SLC52A2: variants seen among roughly 807,000 people sequenced by gnomAD.
SLC52A2 encodes the protein solute carrier family 52 member 2.
A neutral mutation model predicts 24.8 loss-of-function variants in SLC52A2; 16 were observed. The observed-to-expected ratio is 0.64, with a 90% CI of 0.44 to 0.98. The LOEUF is 0.98. SLC52A2 is among the 50% of genes least tolerant of loss of function. The pLI, the probability that SLC52A2 is intolerant of heterozygous loss-of-function variation, is 0.00. For synonymous variants in SLC52A2, 335 were observed against 276.3 expected, an observed-to-expected ratio of 1.21 and a Z score of -2.11; for missense variants, 612 against 575.9, an observed-to-expected ratio of 1.06 and a Z score of -0.64.
At position 144,360,646 on chromosome 8, in the gene SLC52A2, T is replaced by C. The variant is rs781799858; in HGVS notation, c.1058T>C (p.Leu353Pro). ...SLLGVFCGGY[L>P]MALAVLSPCP... ...CTGGGCGTGTTCTGTGGGGGCTACCTGATGGCGCTGGCAGTCCTGAGCCCC... is the reference window on the plus strand; with the variant it reads ...CTGGGCGTGTTCTGTGGGGGCTACCCGATGGCGCTGGCAGTCCTGAGCCCC... The change falls in exon 4 of 5, where the codon CTG (leucine) becomes CCG (proline). Residue 353 changes from leucine to proline, a missense_variant. Physicochemically the swap from Leu to Pro is moderately conservative, Grantham distance 98. Coordinates refer to ENST00000643944, the MANE Select transcript of SLC52A2 (RefSeq NM_001363118.2). 3.7e-6 allele frequency: 6 copies of C among 1,604,360 alleles called. No individual in the cohort carries two copies. Among genetic ancestry groups the C allele is most frequent in the Non-Finnish European group, 5.1e-6 (6 of 1,179,532 alleles).
At position 144,360,916 on chromosome 8, in the gene SLC52A2, G is replaced by A. The variant is rs140177553; in HGVS notation, c.1239G>A (p.Gln413=). The A allele has an allele frequency of 6.2e-7, 1 of 1,613,204 alleles. No homozygotes were observed. Among genetic ancestry groups the A allele is most frequent in the African/African-American group, 1.3e-5 (1 of 74,922 alleles). The change falls in exon 5 of 5, where the codon CAG becomes CAA. Residue 413 remains glutamine (Q), a synonymous_variant. Transcript: ENST00000643944. ...PALLAAGVAI[Q]VGSLLGAVAM... The stretch of plus-strand genomic sequence containing the variant: ...TGCTGGCAGCCGGCGTGGCCATCCA[G>A]GTGGGCTCTCTGCTCGGCGCTGTTG...
chr8:144,358,616 T>A lies in SLC52A2; in HGVS notation c.-560T>A. 1.2e-6 allele frequency: 1 copy of A among 836,372 alleles called. No individual in the cohort carries two copies. The highest frequency in any genetic ancestry group is 1.6e-6 in the Non-Finnish European group (1 of 630,104). 51.8% of individuals were successfully genotyped at this position (836,372 alleles called of 1,614,324 possible). A position where few individuals can be genotyped will look rare whatever the true frequency, so the allele number is the denominator to read the frequency against. On this transcript the variant is annotated 5_prime_UTR_variant, in exon 1 of 5. Coordinates refer to ENST00000643944, the MANE Select transcript of SLC52A2 (RefSeq NM_001363118.2). ...CGGGCCCGGAACCGCCACGGGTGAG[T>A]CGGGTCGTGGCTGCTGCCGGGTCCT...
chr8:144,360,235 C>T lies in SLC52A2; in HGVS notation c.743C>T (p.Ser248Leu), dbSNP rs782433925. Residue 248 changes from serine (S) to leucine (L), a missense_variant, in exon 3 of 5, where the codon TCA (serine) becomes TTA (leucine). Ser to Leu is a moderately radical substitution (Grantham distance 145, BLOSUM62 -2). Transcript: ENST00000643944. ...PGAEEEVEES[S>L]PLQEPPSQAA... ...GCAGAGGAAGAGGTGGAAGAGTCCT[C>T]ACCACTGCAAGAGCCACCAAGCCAG... 1.2e-6 allele frequency: 2 copies of T among 1,612,710 alleles called. No individual in the cohort carries two copies. The highest frequency in any genetic ancestry group is 2.2e-5 in the South Asian group (2 of 91,090).
In SLC52A2 at chr8:144,360,332, G is replaced by C; in HGVS notation, c.840G>C (p.Leu280=). Residue 280 remains leucine (L), a synonymous_variant, in exon 3 of 5, where the codon CTG becomes CTC. Coordinates refer to ENST00000643944, the MANE Select transcript of SLC52A2 (RefSeq NM_001363118.2). ...QLLSARSACL[L]GLLAATNALT... ...TATCAGCCCGCAGTGCCTGCCTGCT[G>C]GGCCTGTTGGCCGCCACCAACGCGC... 6.2e-7 allele frequency: 1 copy of C among 1,609,308 alleles called. No individual in the cohort carries two copies. The highest frequency in any genetic ancestry group is 8.5e-7 in the Non-Finnish European group (1 of 1,180,008).
In SLC52A2 at chr8:144,359,765, C is replaced by T. The variant is rs1554853894; in HGVS notation, c.273C>T (p.Gly91=). 6.2e-7 allele frequency: 1 copy of T among 1,613,598 alleles called. No homozygotes were observed. The highest frequency in any genetic ancestry group is 1.7e-5 in the Admixed American group (1 of 60,024). ...IRVVQVLGMV[G]TALLASLWHH... is the part of the protein sequence containing the mutation. ...TGGTGCAGGTGCTGGGCATGGTGGG[C>T]ACAGCCCTGCTGGCCTCTCTGTGGC... is the stretch of plus-strand genomic sequence containing the variant. The change falls in exon 3 of 5, where the codon GGC becomes GGT. Residue 91 remains glycine (G), a synonymous_variant. Transcript: ENST00000643944.
rs1174790550 is a variant in SLC52A2 at position 144,358,963 on chromosome 8, TCC to T, written c.-211_-210del. The T allele has an allele frequency of 2.0e-5, 6 of 297,466 alleles. No individual in the cohort carries two copies. The highest frequency in any genetic ancestry group is 4.8e-5 in the Admixed American group (1 of 20,976). The allele number at this position is 297,466 out of a possible 1,614,324, so 18.4% of individuals were successfully genotyped here. On this transcript the variant is annotated 5_prime_UTR_variant, in exon 1 of 5. Coordinates refer to ENST00000643944, the MANE Select transcript of SLC52A2 (RefSeq NM_001363118.2). Reference sequence around the variant, plus strand: ...GTGGCGTTGACTCCAGCCCCGCCTCTCCCTGGAGAGGAGGGCTCCACTCGCTC... The same window carrying T: ...GTGGCGTTGACTCCAGCCCCGCCTCTCTGGAGAGGAGGGCTCCACTCGCTC...
At position 144,360,719 on chromosome 8, in the gene SLC52A2, C is replaced by T. The variant is rs782760057; in HGVS notation, c.1125+6C>T. 4 of 1,599,194 alleles carry T rather than the reference C, an allele frequency of 2.5e-6. No individual in the cohort carries two copies. The Admixed American group carries it at 6.7e-5, about 27-fold the overall frequency. On this transcript the variant is annotated splice_donor_region_variant and intron_variant, in intron 4 of 4. Transcript: ENST00000643944. ...CGGCGGGGGTGGTCCTCGTGGTGAG[C>T]ACAGGGGGACATGAAGTGGGGTGGG... is the stretch of plus-strand genomic sequence containing the variant.
intron 2 of SLC52A2, 75 bp from the exon 3 acceptor site, chr8:144,359,548 C>T (rs1818682991): frequency 1.2e-6 from 2 of 1,604,948 alleles, no homozygotes. Context: ...GCAGGTGTGC[C>T]CAGGAAGGTG....
chr8:144,360,761 G>T (rs1554854530), intron 4 of SLC52A2, 42 bp from the exon 5 acceptor site: 1 of 1,607,076 alleles, frequency 6.2e-7, no homozygotes, highest in East Asian at 2.2e-5. Context: ...TTGCCCTGGA[G>T]CAGGCACATC....
chr8:144,360,317 C>T lies in SLC52A2; in HGVS notation c.825C>T (p.Arg275=), dbSNP rs934259287. Residue 275 remains arginine (R), a synonymous_variant, in exon 3 of 5, where the codon CGC becomes CGT. Coordinates refer to ENST00000643944, the MANE Select transcript of SLC52A2 (RefSeq NM_001363118.2). The stretch of plus-strand genomic sequence containing the variant: ...AGGCCTATCAGCTTCTATCAGCCCG[C>T]AGTGCCTGCCTGCTGGGCCTGTTGG... ...DPKAYQLLSA[R]SACLLGLLAA... The T allele has an allele frequency of 1.2e-5, 20 of 1,610,234 alleles. No individual in the cohort carries two copies. The Admixed American group carries it at 3.0e-4, about 24-fold the overall frequency.
Position 144,359,633 on chromosome 8 carries a change from C to G in SLC52A2, c.141C>G (p.Leu47=), listed in dbSNP as rs1456428596. The part of the protein sequence containing the change: ...VVKELPEGWS[L]PSYVSVLVAL... ...CTCCCTTCCCTGCAGGTTGGAGCCT[C>G]CCCTCTTACGTCTCTGTGCTTGTGG... Residue 47 remains leucine (L), a synonymous_variant, in exon 3 of 5, where the codon CTC becomes CTG. Coordinates refer to ENST00000643944, the MANE Select transcript of SLC52A2 (RefSeq NM_001363118.2). 1 of 1,612,182 alleles carries G rather than the reference C, an allele frequency of 6.2e-7. No individual in the cohort carries two copies. Among genetic ancestry groups the G allele is most frequent in the Admixed American group, 1.7e-5 (1 of 59,950 alleles).
chr8:144,359,900 G>C lies in SLC52A2; in HGVS notation c.408G>C (p.Leu136Phe). The C allele has an allele frequency of 6.2e-7, 1 of 1,613,738 alleles. No homozygotes were observed. The highest frequency in any genetic ancestry group is 1.1e-5 in the South Asian group (1 of 91,084). ...CGAATGTCACTTTCCTGCCCTTCTT[G>C]AGCCACCTGCCACCTCGCTTCTTAC... ...CASNVTFLPF[L>F]SHLPPRFLRS... Residue 136 changes from leucine to phenylalanine, a missense_variant, in exon 3 of 5, where the codon TTG (leucine) becomes TTC (phenylalanine). Physicochemically the swap from Leu to Phe is conservative, Grantham distance 22 (BLOSUM62 0). Coordinates refer to ENST00000643944, the MANE Select transcript of SLC52A2 (RefSeq NM_001363118.2).
Position 144,359,315 on chromosome 8 carries a change from C to T in SLC52A2, c.22C>T (p.Arg8Cys), listed in dbSNP as rs782801416. The part of the protein sequence containing the change: MAAPTPA[R>C]PVLTHLLVAL... ...CTGAATGGCAGCACCCACGCCCGCC[C>T]GTCCGGTGCTGACCCACCTGCTGGT... is the stretch of plus-strand genomic sequence containing the variant. Residue 8 changes from arginine (R) to cysteine (C), a missense_variant, in exon 2 of 5, where the codon CGT (arginine) becomes TGT (cysteine). Transcript: ENST00000643944. The T allele has an allele frequency of 4.3e-6, 7 of 1,613,552 alleles. No homozygotes were observed. The highest frequency in any genetic ancestry group is 1.7e-4 in the Middle Eastern group (1 of 6,060).
chr8:144,360,279 G>T lies in SLC52A2; in HGVS notation c.787G>T (p.Gly263Cys). The change falls in exon 3 of 5, where the codon GGT (glycine) becomes TGT (cysteine). Residue 263 changes from glycine (G) to cysteine (C), a missense_variant. Physicochemically the swap from Gly to Cys is radical, Grantham distance 159. Transcript: ENST00000643944. ...PPSQAAGTTPGPDPKAYQLLS... is the reference protein window; with the variant it reads ...PPSQAAGTTPCPDPKAYQLLS... ...AAGCCAGGCAGCAGGCACCACCCCT[G>T]GTCCAGACCCTAAGGCCTATCAGCT... The T allele has an allele frequency of 6.2e-7, 1 of 1,612,044 alleles. No individual in the cohort carries two copies. The highest frequency in any genetic ancestry group is 1.3e-5 in the African/African-American group (1 of 75,056).
chr8:144,359,405 G>C lies in SLC52A2; in HGVS notation c.112G>C (p.Val38Leu), dbSNP rs1554853773. ...NGIWVELPVV[V>L]KELPEGWSLP... ...GATCTGGGTGGAGCTACCTGTGGTG[G>C]TCAAAGAGCTTCCAGAGGGTGAGTG... The change falls in exon 2 of 5, where the codon GTC becomes CTC. Residue 38 changes from valine to leucine, a missense_variant. Coordinates refer to ENST00000643944, the MANE Select transcript of SLC52A2 (RefSeq NM_001363118.2). 3 of 1,614,054 alleles carry C rather than the reference G, an allele frequency of 1.9e-6. No individual in the cohort carries two copies. The highest frequency in any genetic ancestry group is 3.3e-5 in the Admixed American group (2 of 60,008).
At position 144,360,690 on chromosome 8, in the gene SLC52A2, A is replaced by G; in HGVS notation, c.1102A>G (p.Thr368Ala). 6.3e-7 allele frequency: 1 copy of G among 1,596,424 alleles called. No homozygotes were observed. The highest frequency in any genetic ancestry group is 8.5e-7 in the Non-Finnish European group (1 of 1,175,174). The change falls in exon 4 of 5, where the codon ACC becomes GCC. Residue 368 changes from threonine (T) to alanine (A), a missense_variant. Thr to Ala is a moderately conservative substitution (Grantham distance 58). Coordinates refer to ENST00000643944, the MANE Select transcript of SLC52A2 (RefSeq NM_001363118.2). ...GAGCCCCTGCCCGCCCCTGGTGGGCACCTCGGCGGGGGTGGTCCTCGTGGT... is the reference window on the plus strand; with the variant it reads ...GAGCCCCTGCCCGCCCCTGGTGGGCGCCTCGGCGGGGGTGGTCCTCGTGGT... ...VLSPCPPLVG[T>A]SAGVVLVVLS... is the part of the protein sequence containing the mutation.
chr8:144,360,313 C>T lies in SLC52A2; in HGVS notation c.821C>T (p.Ala274Val), dbSNP rs1554854226. The T allele has an allele frequency of 7.5e-6, 12 of 1,610,382 alleles. No homozygotes were observed. The highest frequency in any genetic ancestry group is 1.1e-5 in the South Asian group (1 of 91,084). The change falls in exon 3 of 5, where the codon GCC becomes GTC. Residue 274 changes from alanine to valine, a missense_variant. Transcript: ENST00000643944. ...PDPKAYQLLSARSACLLGLLA... is the reference protein window; with the variant it reads ...PDPKAYQLLSVRSACLLGLLA... The stretch of plus-strand genomic sequence containing the variant: ...CCTAAGGCCTATCAGCTTCTATCAG[C>T]CCGCAGTGCCTGCCTGCTGGGCCTG...
At position 144,359,242 on chromosome 8, in the gene SLC52A2, A is replaced by G. The variant is rs1217036358; in HGVS notation, c.-52A>G. On this transcript the variant is annotated 5_prime_UTR_variant, in exon 2 of 5. Coordinates refer to ENST00000643944, the MANE Select transcript of SLC52A2 (RefSeq NM_001363118.2). ...AGCGTGTCTGGCCCTAGGTGGGAAA[A>G]GAACTGGCTGTGACCTTTGCCCTGA... 3.2e-6 allele frequency: 5 copies of G among 1,555,672 alleles called. No individual in the cohort carries two copies. Among genetic ancestry groups the G allele is most frequent in the Admixed American group, 2.0e-5 (1 of 50,678 alleles).
In SLC52A2 at chr8:144,360,721, CAG is replaced by C. The variant is rs782519794; in HGVS notation, c.1125+9_1125+10del. ...GCGGGGGTGGTCCTCGTGGTGAGCA[CAG>C]GGGGACATGAAGTGGGGTGGGGGGG... On this transcript the variant is annotated intron_variant, in intron 4 of 4. Transcript: ENST00000643944. 5.6e-6 allele frequency: 9 copies of C among 1,594,874 alleles called. No homozygotes were observed. The highest frequency in any genetic ancestry group is 2.2e-5 in the South Asian group (2 of 90,076).
Sources: gnomAD v4.1 joint callset for allele counts on GRCh38, gnomAD v4.1.1 for gene constraint, MANE v1.5 for transcripts, NCBI Gene and HGNC (gene_info 2026-07-23, HGNC 2026-07-21) for gene names.